The following KIAA0586 variants were observed in gnomAD, a reference collection of about 807,000 sequenced individuals.
The protein encoded by KIAA0586 is KIAA0586.
A neutral mutation model predicts 169.8 loss-of-function variants in KIAA0586; 144 were observed. That is an observed-to-expected ratio of 0.85 (90% CI 0.74 to 0.97). The LOEUF (loss-of-function observed/expected upper bound fraction) is 0.97. Ranked by LOEUF, KIAA0586 falls within the 50% of genes least tolerant of loss-of-function variation. The pLI is 0.00. For synonymous variants in KIAA0586, 625 were observed against 612.4 expected (o/e 1.02, Z -0.30); for missense variants, 1,854 against 1,823.0 (o/e 1.02, Z -0.31).
At chr14:58,519,394 A>C (rs917467811) in intron 29 of KIAA0586, among the ~76,000 whole-genome samples, 1 of 152,138 alleles carries the variant, frequency 6.6e-6, no homozygotes, top group African/African-American at 2.4e-5. Flanking sequence ...GTGTGCCATC[A>C]TGCCTGACTC....
intron 28 of KIAA0586, among the ~76,000 whole-genome samples, chr14:58,511,886 C>T (rs1013129017): frequency 1.3e-4 from 20 of 151,816 alleles, no homozygotes; most frequent in African/African-American, 4.1e-4. Flanking sequence ...TATAATTAAG[C>T]GCATAAAATA....
chr14:58,455,718 A>ATAAGTCTCCCTCTCTT, intron 9 of KIAA0586, among the ~76,000 whole-genome samples: 1 of 152,034 alleles, frequency 6.6e-6, no homozygotes, highest in African/African-American at 2.4e-5. Context: ...GTGCATGCAC[A>ATAAGTCTCCCTCTCTT]TGCATGTGCT....
chr14:58,504,435 A>G (rs2043791917), intron 27 of KIAA0586, among the ~76,000 whole-genome samples: 1 of 152,152 alleles, frequency 6.6e-6, no homozygotes, highest in Non-Finnish European at 1.5e-5. Context: ...GAGGAAAGAG[A>G]TTGAATGGGG....
intron 4 of KIAA0586, among the ~76,000 whole-genome samples, chr14:58,433,565 G>A (rs531687315): frequency 4.9e-4 from 75 of 152,194 alleles, no homozygotes; most frequent in African/African-American, 1.8e-3. Context: ...GTAATACATC[G>A]GGATACATAG....
rs1254389824 is a variant in KIAA0586, at chr14:58,537,223, A to C, written c.4430-2848A>C. 8.9e-6 allele frequency: 9 copies of C among 1,008,476 alleles called. No homozygotes were observed. In the South Asian group the frequency reaches 2.6e-4, roughly 29 times the overall value. The allele number at this position is 1,008,476 out of a possible 1,614,324, so 62.5% of individuals were successfully genotyped here. A position where few individuals can be genotyped will look rare whatever the true frequency, so the allele number is the denominator to read the frequency against. ...AAGTGGTCAACTCTGATACTGTGAT[A>C]GTGGCTTATTTTTTTTAACTGTTAA... On this transcript the variant is annotated intron_variant, in intron 29 of 30. Transcript: ENST00000652326.
intron 29 of KIAA0586, among the ~76,000 whole-genome samples, chr14:58,516,442 G>A (rs899872163): frequency 2.0e-5 from 3 of 152,194 alleles, no homozygotes; most frequent in Non-Finnish European, 4.4e-5. Flanking sequence ...CGGAGAAGAA[G>A]GAAATAGTCT....
intron 12 of KIAA0586, 23 bp from the exon 13 acceptor site, chr14:58,459,820 A>G: frequency 2.3e-6 from 3 of 1,314,324 alleles, no homozygotes; most frequent in Non-Finnish European, 3.1e-6. Context: ...ATTTTAAGTA[A>G]TTTTAACTTT....
At chr14:58,547,683 C>CG in intron 30 of KIAA0586, 98 bp from the exon 31 acceptor site, 10 of 794,208 alleles carry the variant, frequency 1.3e-5, no homozygotes, top group East Asian at 3.6e-5. Context: ...TTGGAATCCG[C>CG]GCCCCCCCAC....
At chr14:58,507,761 T>G (rs2044105733) in intron 27 of KIAA0586, among the ~76,000 whole-genome samples, 1 of 132,682 alleles carries the variant, frequency 7.5e-6, no homozygotes, top group Non-Finnish European at 1.6e-5. Flanking sequence ...CTGATTTGAC[T>G]GAGGTGCCAT....
intron 14 of KIAA0586, among the ~76,000 whole-genome samples, chr14:58,461,994 A>G (rs1005467158): frequency 6.6e-6 from 1 of 152,234 alleles, no homozygotes; most frequent in African/African-American, 2.4e-5. Context: ...CTTAGCAATC[A>G]GTAAGCTACA....
intron 25 of KIAA0586, among the ~76,000 whole-genome samples, chr14:58,491,323 A>G (rs1018073108): frequency 6.6e-6 from 1 of 152,224 alleles, no homozygotes; most frequent in Non-Finnish European, 1.5e-5. Context: ...CTACAAATTC[A>G]TAATAAAGTC....
chr14:58,554,265 G>T (rs551656137), downstream of KIAA0586, among the ~76,000 whole-genome samples: 12 of 152,042 alleles, frequency 7.9e-5, no homozygotes, highest in Non-Finnish European at 1.0e-4. Context: ...ATTTCTTGGT[G>T]GGCAGATTTG....
intron 5 of KIAA0586, 106 bp downstream of exon 5, chr14:58,442,986 T>A (rs2038533534): frequency 1.3e-6 from 1 of 785,618 alleles, no homozygotes; most frequent in Non-Finnish European, 2.0e-6. Context: ...CTAGGAACAT[T>A]GTAGTTGCTC....
intron 7 of KIAA0586, among the ~76,000 whole-genome samples, chr14:58,449,968 G>A (rs990638706): frequency 1.3e-5 from 2 of 151,940 alleles, no homozygotes; most frequent in African/African-American, 2.4e-5. Context: ...ATTTGTAATT[G>A]TAGCATTTTA....
rs1352231811 is a variant in KIAA0586, at chr14:58,540,127, G to A, written c.4486G>A (p.Val1496Ile). ...QIELNPYLTC[V>I]FSGGKAVPLS... ...TGAGCTTAATCCGTACCTCACATGT[G>A]TATTTTCAGGTAAGATTTTTACTTT... Residue 1496 changes from valine (V) to isoleucine (I), a missense_variant, in exon 30 of 31, where the codon GTA (valine) becomes ATA (isoleucine). By Grantham distance (29) the Val-to-Ile change is conservative (BLOSUM62 3). Transcript: ENST00000652326. The A allele has an allele frequency of 1.3e-6, 2 of 1,542,116 alleles. No individual in the cohort carries two copies. Among genetic ancestry groups the A allele is most frequent in the Non-Finnish European group, 1.8e-6 (2 of 1,135,052 alleles).
At chr14:58,516,775 A>T (rs2044789162) in intron 29 of KIAA0586, among the ~76,000 whole-genome samples, 1 of 152,218 alleles carries the variant, frequency 6.6e-6, no homozygotes, top group Non-Finnish European at 1.5e-5. Flanking sequence ...TAATCAAGAC[A>T]GTGGAATATT....
intron 29 of KIAA0586, among the ~76,000 whole-genome samples, chr14:58,523,521 G>A (rs2045366036): frequency 6.6e-6 from 1 of 151,862 alleles, no homozygotes; most frequent in East Asian, 1.9e-4. Context: ...AGATCAATTA[G>A]TAGCCTTTTT....
chr14:58,517,854 A>C (rs769787856), intron 29 of KIAA0586, among the ~76,000 whole-genome samples: 12 of 152,200 alleles, frequency 7.9e-5, no homozygotes, highest in Non-Finnish European at 1.6e-4. Flanking sequence ...GTTGCATTAA[A>C]TGTAGTGAAA....
the KIAA0586 span, among the ~76,000 whole-genome samples, chr14:58,559,377 C>T: frequency 6.6e-6 from 1 of 152,228 alleles, no homozygotes; most frequent in African/African-American, 2.4e-5. Context: ...GTCATCCATG[C>T]ACACAGGCAA....
Sources: allele counts gnomAD v4.1 joint callset (sites outside exome capture counted in the v4.1 genomes callset), GRCh38; gene constraint gnomAD v4.1.1; transcripts MANE v1.5; gene names NCBI Gene and HGNC (gene_info 2026-07-23, HGNC 2026-07-21).